Variants in PHYHD1 observed in about 807,000 individuals in gnomAD.
The protein encoded by PHYHD1 is phytanoyl-CoA dioxygenase domain containing 1, also known as phytanoyl-CoA dioxygenase domain-containing protein 1.
PHYHD1 carries 42 observed loss-of-function variants against 43.6 expected under a neutral mutation model. The ratio of observed to expected loss-of-function variants is 0.96; its 90% confidence interval spans 0.75 to 1.25. The LOEUF is 1.25. PHYHD1 is among the 50% of genes most tolerant of loss of function. PHYHD1 has a pLI of 0.00. For synonymous variants in PHYHD1, 139 were observed against 143.6 expected (o/e 0.97, Z 0.23); for missense variants, 342 against 370.8 (o/e 0.92, Z 0.64).
intron 3 of PHYHD1, among the ~76,000 whole-genome samples, chr9:128,926,079 C>G (rs1441183411): frequency 6.6e-6 from 1 of 152,188 alleles, no homozygotes; most frequent in East Asian, 1.9e-4. Context: ...TCATGGCTGG[C>G]TTGCTTATAG....
In PHYHD1 at chr9:128,940,417, G is replaced by A. The variant is rs200845438; in HGVS notation, c.506G>A (p.Arg169Gln). ...ASFLYTEPLG[R>Q]VLGVWIAVED... is the part of the protein sequence containing the mutation. ...TTCCTGTACACGGAGCCCCTGGGCC[G>A]GGTGCTGGGCGTGTGGATCGCAGTG... is the stretch of plus-strand genomic sequence containing the variant. The change falls in exon 10 of 13, where the codon CGG becomes CAG. Residue 169 changes from arginine to glutamine, a missense_variant. By Grantham distance (43) the Arg-to-Gln change is conservative. Transcript: ENST00000372592. The A allele has an allele frequency of 8.2e-5, 132 of 1,614,220 alleles. No homozygotes were observed. The East Asian group carries it at 2.1e-3, about 26-fold the overall frequency.
Position 128,936,431 on chromosome 9 carries a change from T to G in PHYHD1, c.317-17T>G. The G allele has an allele frequency of 6.2e-7, 1 of 1,608,174 alleles. No homozygotes were observed. The highest frequency in any genetic ancestry group is 1.3e-5 in the African/African-American group (1 of 74,960). Reference sequence around the variant, plus strand: ...GTGGGCCTGAGATGGGGCCGACAGCTTCCTTCTGTCCCATAGCTCTGCACG... The same window carrying G: ...GTGGGCCTGAGATGGGGCCGACAGCGTCCTTCTGTCCCATAGCTCTGCACG... On this transcript the variant is annotated splice_polypyrimidine_tract_variant and intron_variant, in intron 6 of 12. Coordinates refer to ENST00000372592, the MANE Select transcript of PHYHD1 (RefSeq NM_001100876.2).
chr9:128,941,331 G>A lies in PHYHD1; in HGVS notation c.704-114G>A, dbSNP rs1208223929. 3.6e-6 allele frequency: 5 copies of A among 1,396,010 alleles called. No homozygotes were observed. In the Admixed American group the frequency reaches 9.4e-5, roughly 26 times the overall value. The allele number at this position is 1,396,010 out of a possible 1,614,324, so 86.5% of individuals were successfully genotyped here. A position where few individuals can be genotyped will look rare whatever the true frequency, so the allele number is the denominator to read the frequency against. ...GCCTGAGCTTTCAGGGAAGGGAATG[G>A]GGATGGATGGGGGCCACAAAACCAC... On this transcript the variant is annotated intron_variant, in intron 11 of 12. Transcript: ENST00000372592.
At position 128,933,855 on chromosome 9, in the gene PHYHD1, AAGGT is replaced by A. The variant is rs747480553; in HGVS notation, c.267_268+2del. On this transcript the variant is annotated splice_donor_variant and coding_sequence_variant, in exon 5 of 13. Transcript: ENST00000372592. LOFTEE classifies it high-confidence loss of function. ...TTTGAGAAAGGCGTTTTTGATGAGA[AAGGT>A]TTGGAGCTGGGGCCCTAGAGCTGGG... 3.1e-6 allele frequency: 5 copies of A among 1,613,696 alleles called. No homozygotes were observed. In the African/African-American group the frequency reaches 6.7e-5, roughly 22 times the overall value.
At chr9:128,937,360 G>A (rs1841450933) in intron 8 of PHYHD1, among the ~76,000 whole-genome samples, 1 of 152,064 alleles carries the variant, frequency 6.6e-6, no homozygotes, top group Non-Finnish European at 1.5e-5. Context: ...GAAATGCTGT[G>A]CTCCCAGCTT....
intron 4 of PHYHD1, among the ~76,000 whole-genome samples, chr9:128,932,166 A>ATTTTTTTTT (rs1564540372): frequency 1.6e-5 from 2 of 122,746 alleles, no homozygotes; most frequent in African/African-American, 7.0e-5. Context: ...TATTATTATT[A>ATTTTTTTTT]TTGTTATTAT....
rs1433430505 is a variant in PHYHD1, at chr9:128,921,367, C to T, written c.-461C>T. On this transcript the variant is annotated 5_prime_UTR_variant, in exon 1 of 13. Coordinates refer to ENST00000372592, the MANE Select transcript of PHYHD1 (RefSeq NM_001100876.2). ...AGGCTCTAGTGCAGTGGCCCAATCT[C>T]GGCTCACTGCAAGCTCCGCCTCCCG... The T allele has an allele frequency of 6.6e-6, 1 of 152,224 alleles. No homozygotes were observed. Among genetic ancestry groups the T allele is most frequent in the Non-Finnish European group, 1.5e-5 (1 of 68,066 alleles). 9.4% of individuals were successfully genotyped at this position (152,224 alleles called of 1,614,324 possible). A position where few individuals can be genotyped will look rare whatever the true frequency, so the allele number is the denominator to read the frequency against.
intron 2 of PHYHD1, 41 bp from the exon 3 acceptor site, chr9:128,922,242 T>G (rs951104042): frequency 3.9e-6 from 6 of 1,524,484 alleles, no homozygotes; most frequent in Admixed American, 4.1e-5. Context: ...TAGGGAAGGG[T>G]TAAGTCCTCC....
chr9:128,926,095 C>T (rs1002100922), intron 3 of PHYHD1, among the ~76,000 whole-genome samples: 4 of 152,200 alleles, frequency 2.6e-5, no homozygotes, highest in African/African-American at 9.7e-5. Context: ...TATAGCCATA[C>T]TTTTAGCTCC....
chr9:128,924,143 G>A (rs374420513), intron 3 of PHYHD1, among the ~76,000 whole-genome samples: 10 of 151,908 alleles, frequency 6.6e-5, no homozygotes, highest in African/African-American at 1.7e-4. Context: ...CAGGCCGGGC[G>A]CAGTGGCTCA....
In PHYHD1 at chr9:128,927,076, G is replaced by C. The variant is rs775427358; in HGVS notation, c.72G>C (p.Leu24Phe). ...GATTCCTGGTGCTGGAAGGATTCTT[G>C]TCTGCGGAAGAGTGTGTGGCCATGC... ...QDGFLVLEGF[L>F]SAEECVAMQQ... Residue 24 changes from leucine (L) to phenylalanine (F), a missense_variant, in exon 4 of 13, where the codon TTG (leucine) becomes TTC (phenylalanine). Coordinates refer to ENST00000372592, the MANE Select transcript of PHYHD1 (RefSeq NM_001100876.2). 3 of 1,614,194 alleles carry C rather than the reference G, an allele frequency of 1.9e-6. No homozygotes were observed. In the South Asian group the frequency reaches 3.3e-5, roughly 18 times the overall value.
chr9:128,936,164 C>G (rs896284468), intron 6 of PHYHD1, among the ~76,000 whole-genome samples: 1 of 151,732 alleles, frequency 6.6e-6, no homozygotes, highest in Non-Finnish European at 1.5e-5. Flanking sequence ...GAGATTGCTC[C>G]GCATGATTGG....
chr9:128,922,288 C>T lies in PHYHD1; in HGVS notation c.-36C>T, dbSNP rs1841016806. ...AACTTTCTCCTCCCCACCAGGAGGC[C>T]GCGCTTAGAAGCCGCCCAGTGCCCT... is the stretch of plus-strand genomic sequence containing the variant. On this transcript the variant is annotated 5_prime_UTR_variant, in exon 3 of 13. Coordinates refer to ENST00000372592, the MANE Select transcript of PHYHD1 (RefSeq NM_001100876.2). 3 of 1,550,392 alleles carry T rather than the reference C, an allele frequency of 1.9e-6. No individual in the cohort carries two copies. Among genetic ancestry groups the T allele is most frequent in the South Asian group, 2.4e-5 (2 of 83,916 alleles).
intron 2 of PHYHD1, 97 bp from the exon 3 acceptor site, chr9:128,922,186 T>C (rs1332451097): frequency 1.1e-6 from 1 of 938,984 alleles, no homozygotes; most frequent in Non-Finnish European, 1.6e-6. Context: ...GATCTGGCTG[T>C]GTCTAGGGAA....
rs555903200 is a variant in PHYHD1, at chr9:128,930,842, G to A, written c.193-2940G>A. On this transcript the variant is annotated intron_variant, in intron 4 of 12. Coordinates refer to ENST00000372592, the MANE Select transcript of PHYHD1 (RefSeq NM_001100876.2). ...CGGGCACCTGTAGTCCCAGCTACTCGGGAGGCTGAGGCAGAAGAATGGCGT... is the reference window on the plus strand; with the variant it reads ...CGGGCACCTGTAGTCCCAGCTACTCAGGAGGCTGAGGCAGAAGAATGGCGT... Among the ~76,000 whole-genome samples the A allele has an allele frequency of 5.5e-3, 826 of 151,066 alleles. 3 individuals are homozygous for A. Among genetic ancestry groups the A allele is most frequent in the Non-Finnish European group, 9.7e-3 (660 of 67,712 alleles).
chr9:128,932,703 T>C (rs1313383597), intron 4 of PHYHD1, among the ~76,000 whole-genome samples: 1 of 68,680 alleles, frequency 1.5e-5, no homozygotes, highest in East Asian at 3.0e-4. Flanking sequence ...GGTTTCACTA[T>C]GTTTGCCAGG....
intron 9 of PHYHD1, 58 bp downstream of exon 9, chr9:128,937,836 A>G (rs777435996): frequency 5.0e-5 from 81 of 1,613,410 alleles, no homozygotes; most frequent in Non-Finnish European, 5.8e-5. Context: ...TAAGACAGCA[A>G]TGGTTCTCAG....
Position 128,934,027 on chromosome 9 carries a change from T to G in PHYHD1, c.285T>G (p.Pro95=). 1 of 1,613,810 alleles carries G rather than the reference T, an allele frequency of 6.2e-7. No homozygotes were observed. The highest frequency in any genetic ancestry group is 1.1e-5 in the South Asian group (1 of 91,076). The change falls in exon 6 of 13, where the codon CCT becomes CCG. Residue 95 remains proline (P), a synonymous_variant. Transcript: ENST00000372592. ...GTGCCACAGGAAATTTCCTGGTCCCTCCGGAGAAATCCATCAACAAAATTG... is the reference window on the plus strand; with the variant it reads ...GTGCCACAGGAAATTTCCTGGTCCCGCCGGAGAAATCCATCAACAAAATTG... ...VFDEKGNFLV[P]PEKSINKIGH... is the part of the protein sequence containing the mutation.
At chr9:128,935,205 T>A (rs1398097405) in intron 6 of PHYHD1, among the ~76,000 whole-genome samples, 1 of 152,214 alleles carries the variant, frequency 6.6e-6, no homozygotes, top group African/African-American at 2.4e-5. Context: ...TCCTCCTGCC[T>A]TGGCCTCTCA....
Sources: gnomAD v4.1 joint callset for allele counts (sites outside exome capture counted in the v4.1 genomes callset) on GRCh38, gnomAD v4.1.1 for gene constraint, MANE v1.5 for transcripts, NCBI Gene and HGNC (gene_info 2026-07-23, HGNC 2026-07-21) for gene names.